The following MAF variants were observed in gnomAD, a reference collection of about 807,000 sequenced individuals.
MAF encodes the protein MAF bZIP transcription factor, also known as transcription factor Maf.
Under a neutral mutation model 22.0 loss-of-function variants are expected in MAF, and 10 were observed. The ratio of observed to expected loss-of-function variants is 0.45; its 90% confidence interval spans 0.28 to 0.77. The LOEUF (loss-of-function observed/expected upper bound fraction) is 0.77, where lower values mean the gene tolerates loss of function less well. Among genes scored for constraint, MAF ranks in the 30% least tolerant of loss-of-function variants. The probability of loss-of-function intolerance (pLI) is 0.12; values close to 1 mark genes in which losing one functional copy is unlikely to be tolerated. For missense variants in MAF, 544 were observed against 548.4 expected (o/e 0.99, Z 0.08); for synonymous variants, 337 against 255.8 (o/e 1.32, Z -3.03).
the MAF span, among the ~76,000 whole-genome samples, chr16:79,467,605 T>C: frequency 2.8e-4 from 43 of 152,140 alleles, no homozygotes; most frequent in African/African-American, 1.0e-3. Context: ...CAGAATGGGG[T>C]CCCTGAGAGC....
At chr16:79,472,648 G>A in the MAF span, among the ~76,000 whole-genome samples, 1 of 152,096 alleles carries the variant, frequency 6.6e-6, no homozygotes, top group Non-Finnish European at 1.5e-5. Flanking sequence ...CTGTTCATGG[G>A]TATGGAGTTT....
the MAF span, among the ~76,000 whole-genome samples, chr16:79,301,905 G>A: frequency 6.6e-6 from 1 of 152,224 alleles, no homozygotes; most frequent in Non-Finnish European, 1.5e-5. Flanking sequence ...GAGAAGTTAG[G>A]TTACTTTCAC....
At chr16:79,308,310 A>C in the MAF span, among the ~76,000 whole-genome samples, 4 of 152,312 alleles carry the variant, frequency 2.6e-5, no homozygotes, top group Non-Finnish European at 4.4e-5. Flanking sequence ...CAGACTTTTA[A>C]GAAGATAAGG....
At chr16:79,446,382 G>A in the MAF span, among the ~76,000 whole-genome samples, 9,299 of 152,066 alleles carry the variant, frequency 0.061, 435 homozygotes, top group African/African-American at 0.13. Flanking sequence ...GAGTGTCTGC[G>A]TCTCTGTTTG....
At chr16:79,317,176 CCTTG>C in the MAF span, among the ~76,000 whole-genome samples, 15 of 144,400 alleles carry the variant, frequency 1.0e-4, no homozygotes, top group African/African-American at 3.3e-4. Flanking sequence ...TTCCTTCCTT[CCTTG>C]CTTTTCTCCC....
At chr16:79,247,064 G>A in the MAF span, among the ~76,000 whole-genome samples, 6 of 152,228 alleles carry the variant, frequency 3.9e-5, no homozygotes, top group Non-Finnish European at 7.3e-5. Flanking sequence ...CTGTGATAGA[G>A]TATAATGGGC....
chr16:79,260,054 A>T, the MAF span, among the ~76,000 whole-genome samples: 1 of 152,214 alleles, frequency 6.6e-6, no homozygotes, highest in South Asian at 2.1e-4. Context: ...AAAATAAGGC[A>T]GAAGCTGACT....
chr16:79,310,546 G>T, the MAF span, among the ~76,000 whole-genome samples: 1 of 152,216 alleles, frequency 6.6e-6, no homozygotes, highest in Non-Finnish European at 1.5e-5. Flanking sequence ...GAGGACTGCT[G>T]TCCCAAAGAG....
chr16:79,322,954 TC>T, the MAF span, among the ~76,000 whole-genome samples: 13 of 151,376 alleles, frequency 8.6e-5, no homozygotes, highest in Non-Finnish European at 1.9e-4. Context: ...ATCAAGACCA[TC>T]CTGGTTAACA....
chr16:79,284,298 CT>C, the MAF span, among the ~76,000 whole-genome samples: 1 of 152,176 alleles, frequency 6.6e-6, no homozygotes, highest in Non-Finnish European at 1.5e-5. Context: ...CATATGCATT[CT>C]TGCAGCAAGA....
At chr16:79,284,815 G>C in the MAF span, among the ~76,000 whole-genome samples, 139,407 of 152,108 alleles carry the variant, frequency 0.92, 63,919 homozygotes, top group East Asian at 1. Flanking sequence ...AGTGTGCACC[G>C]TGCCTCTTTT....
chr16:79,461,746 C>G, the MAF span, among the ~76,000 whole-genome samples: 1 of 152,124 alleles, frequency 6.6e-6, no homozygotes, highest in Admixed American at 6.5e-5. Context: ...ACCACATGTG[C>G]CCATGTGGTT....
chr16:79,493,251 C>T, the MAF span, among the ~76,000 whole-genome samples: 6 of 151,890 alleles, frequency 4.0e-5, no homozygotes, highest in East Asian at 3.9e-4. Flanking sequence ...GGCATGATCT[C>T]GACTCACTAC....
At chr16:79,388,773 T>C in the MAF span, among the ~76,000 whole-genome samples, 3 of 152,240 alleles carry the variant, frequency 2.0e-5, no homozygotes, top group East Asian at 1.9e-4. Flanking sequence ...ATTAGCACCA[T>C]TGCATTAGCC....
the MAF span, among the ~76,000 whole-genome samples, chr16:79,547,912 G>GAC: frequency 4.8e-5 from 6 of 124,472 alleles, no homozygotes; most frequent in East Asian, 2.3e-4. Context: ...GAGAGAGAGA[G>GAC]AGAGAGATAG....
the MAF span, among the ~76,000 whole-genome samples, chr16:79,207,155 C>T: frequency 6.6e-6 from 1 of 152,220 alleles, no homozygotes; most frequent in Non-Finnish European, 1.5e-5. Context: ...ACCCCCTCAT[C>T]TCCACCGCAG....
At chr16:79,557,496 G>A in the MAF span, among the ~76,000 whole-genome samples, 8 of 152,098 alleles carry the variant, frequency 5.3e-5, no homozygotes, top group African/African-American at 1.7e-4. Context: ...TTTTGGTTGT[G>A]GGCATTTGTT....
the MAF span, among the ~76,000 whole-genome samples, chr16:79,271,010 C>T: frequency 6.6e-6 from 1 of 151,916 alleles, no homozygotes; most frequent in Non-Finnish European, 1.5e-5. Flanking sequence ...AAGTGATTCT[C>T]CTGCCTCAGC....
chr16:79,289,879 G>C, the MAF span, among the ~76,000 whole-genome samples: 1 of 30,956 alleles, frequency 3.2e-5, no homozygotes, highest in South Asian at 7.0e-4. Flanking sequence ...GTGAGACGGA[G>C]TCTTGCTCTG....
Sources: gnomAD v4.1 joint callset for allele counts (sites outside exome capture counted in the v4.1 genomes callset) on GRCh38, gnomAD v4.1.1 for gene constraint, MANE v1.5 for transcripts, NCBI Gene and HGNC (gene_info 2026-07-23, HGNC 2026-07-21) for gene names.